HTR2C: variants seen among roughly 807,000 people sequenced by gnomAD.
HTR2C encodes the protein 5-hydroxytryptamine receptor 2C, also known as 5-hydroxytryptamine (serotonin) receptor 2C, G protein-coupled.
HTR2C carries 5 observed loss-of-function variants against 21.0 expected under a neutral mutation model. That is an observed-to-expected ratio of 0.24 (90% CI 0.12 to 0.50). The LOEUF is 0.50. Ranked by LOEUF, HTR2C falls within the 20% of genes least tolerant of loss-of-function variation. The pLI, the probability that HTR2C is intolerant of heterozygous loss-of-function variation, is 0.98. For synonymous variants in HTR2C, 150 were observed against 145.3 expected (o/e 1.03, Z -0.23); for missense variants, 271 against 371.2 (o/e 0.73, Z 2.22).
At chrX:114,663,377 AT>A (rs1370274696) in intron 2 of HTR2C, among the ~76,000 whole-genome samples, 5 of 111,715 alleles carry the variant, frequency 4.5e-5, no homozygotes, top group Non-Finnish European at 9.4e-5. Flanking sequence ...AAATTAAAAT[AT>A]TAAAACTTAA....
At chrX:114,638,633 T>TCATCTAG (rs1488519408) in intron 2 of HTR2C, among the ~76,000 whole-genome samples, 2 of 103,676 alleles carry the variant, frequency 1.9e-5, no homozygotes, top group Non-Finnish European at 3.9e-5. Context: ...CACTAGCTCG[T>TCATCTAG]CATCTAGCAT....
chrX:114,873,900 A>G (rs782461466), intron 5 of HTR2C, among the ~76,000 whole-genome samples: 1 of 111,536 alleles, frequency 9.0e-6, no homozygotes, highest in East Asian at 2.8e-4. Context: ...GATTTATCTT[A>G]TAACAAAAAT....
chrX:114,810,655 G>A (rs2070521910), intron 4 of HTR2C, among the ~76,000 whole-genome samples: 1 of 109,104 alleles, frequency 9.2e-6, no homozygotes, highest in Non-Finnish European at 1.9e-5. Flanking sequence ...GGTGGTGTAG[G>A]CAATTCAAGA....
At position 114,760,091 on chromosome X, in the gene HTR2C, G is replaced by A. The variant is rs1489627647; in HGVS notation, c.349+28484G>A. On this transcript the variant is annotated intron_variant, in intron 4 of 5. Coordinates refer to ENST00000276198, the MANE Select transcript of HTR2C (RefSeq NM_000868.4). ...ACAGATATATTCGGAGTAAGGAGAG[G>A]GAAGCAACTGGGAAAATATCCTTTC... Among the ~76,000 whole-genome samples the A allele has an allele frequency of 3.6e-5, 4 of 111,555 alleles. No individual in the cohort carries two copies. In the East Asian group the frequency reaches 1.1e-3, roughly 31 times the overall value.
chrX:114,698,343 G>A (rs1012263961), intron 2 of HTR2C, among the ~76,000 whole-genome samples: 9 of 110,012 alleles, frequency 8.2e-5, no homozygotes, highest in African/African-American at 2.3e-4. Context: ...AAAAAGTTCC[G>A]TTATCATGGA....
chrX:114,747,530 C>T (rs1316044596), intron 4 of HTR2C, among the ~76,000 whole-genome samples: 1 of 112,483 alleles, frequency 8.9e-6, no homozygotes, highest in African/African-American at 3.2e-5. Context: ...TAGCCTGCTT[C>T]TGAAATGGCC....
At chrX:114,839,411 G>T (rs1471983407) in intron 4 of HTR2C, among the ~76,000 whole-genome samples, 1 of 111,990 alleles carries the variant, frequency 8.9e-6, no homozygotes, top group Non-Finnish European at 1.9e-5. Flanking sequence ...TTTTGGTTGG[G>T]TGTGGGGGCT....
intron 2 of HTR2C, among the ~76,000 whole-genome samples, chrX:114,650,046 C>T (rs1270782517): frequency 2.7e-5 from 3 of 112,077 alleles, no homozygotes; most frequent in Non-Finnish European, 3.8e-5. Flanking sequence ...ACAGAAATAG[C>T]ATGAGCTTGA....
chrX:114,895,565 T>C (rs2071289987), intron 5 of HTR2C, among the ~76,000 whole-genome samples: 2 of 112,122 alleles, frequency 1.8e-5, no homozygotes, highest in East Asian at 5.6e-4. Flanking sequence ...TTACTCCTCA[T>C]TTATCTGTTT....
chrX:114,895,135 A>C (rs909512069), intron 5 of HTR2C, among the ~76,000 whole-genome samples: 4 of 112,245 alleles, frequency 3.6e-5, no homozygotes, highest in African/African-American at 1.3e-4. Context: ...AAATGTTTGA[A>C]GCATATAGAA....
rs2071240497 is a variant in HTR2C at position 114,888,961 on chromosome X, G to T, written c.551-17628G>T. Among the ~76,000 whole-genome samples the T allele has an allele frequency of 8.1e-5, 9 of 111,335 alleles. No individual in the cohort carries two copies. In the Admixed American group the frequency reaches 8.6e-4, roughly 11 times the overall value. ...TTTTTCCAGTAAGCCAAATATCTAC[G>T]TTTTCACAGAGACAGTTTCTACTGA... On this transcript the variant is annotated intron_variant, in intron 5 of 5. Transcript: ENST00000276198.
At chrX:114,774,324 C>T (rs782068046) in intron 4 of HTR2C, among the ~76,000 whole-genome samples, 16 of 111,463 alleles carry the variant, frequency 1.4e-4, no homozygotes, top group African/African-American at 4.2e-4. Flanking sequence ...ATAGGGCTCA[C>T]AATGGTGCAA....
intron 2 of HTR2C, among the ~76,000 whole-genome samples, chrX:114,658,274 T>C (rs372518361): frequency 8.9e-6 from 1 of 111,912 alleles, no homozygotes; most frequent in East Asian, 2.8e-4. Context: ...TATTCCCTTC[T>C]AACAAGGATA....
At chrX:114,716,878 C>G in intron 2 of HTR2C, among the ~76,000 whole-genome samples, 1 of 111,214 alleles carries the variant, frequency 9.0e-6, no homozygotes, top group South Asian at 3.8e-4. Context: ...ACATTTATGG[C>G]TAATTCATTT....
chrX:114,687,769 C>A (rs1931965831), intron 2 of HTR2C, among the ~76,000 whole-genome samples: 1 of 111,618 alleles, frequency 9.0e-6, no homozygotes, highest in Admixed American at 9.6e-5. Flanking sequence ...TCTCTTAATA[C>A]ACAATTTATT....
intron 4 of HTR2C, among the ~76,000 whole-genome samples, chrX:114,768,517 G>C (rs781823892): frequency 1.6e-4 from 18 of 110,749 alleles, no homozygotes; most frequent in African/African-American, 5.5e-4. Flanking sequence ...CAAATATAAT[G>C]TAATATAATA....
At chrX:114,639,367 T>C (rs782593861) in intron 2 of HTR2C, 1 of 113,070 alleles carries the variant, frequency 8.8e-6, no homozygotes, top group South Asian at 3.8e-4. Context: ...TCTTGGCCTT[T>C]TTCAGAAGGT....
intron 5 of HTR2C, among the ~76,000 whole-genome samples, chrX:114,871,944 T>A (rs782350741): frequency 9.0e-6 from 1 of 110,544 alleles, no homozygotes; most frequent in East Asian, 2.9e-4. Flanking sequence ...CCAAATTATT[T>A]GGCATGCAAT....
intron 4 of HTR2C, among the ~76,000 whole-genome samples, chrX:114,769,882 C>G (rs188376602): frequency 7.9e-4 from 88 of 111,307 alleles, no homozygotes; most frequent in African/African-American, 2.8e-3. Flanking sequence ...GAAAGATTCC[C>G]TTTGGTAGAT....
Sources: allele counts gnomAD v4.1 joint callset (sites outside exome capture counted in the v4.1 genomes callset), GRCh38; gene constraint gnomAD v4.1.1; transcripts MANE v1.5; gene names NCBI Gene and HGNC (gene_info 2026-07-23, HGNC 2026-07-21).